Variants in EXT2 observed in about 807,000 individuals in gnomAD.
The protein encoded by EXT2 is exostosin-2.
In EXT2, 53 loss-of-function variants were observed where a neutral mutation model predicts 81.6. That is an observed-to-expected ratio of 0.65 (90% CI 0.52 to 0.82). EXT2 has a LOEUF of 0.82. EXT2 is among the 40% of genes least tolerant of loss of function. EXT2 has a pLI of 0.00. For missense variants in EXT2, 774 were observed against 910.2 expected, an observed-to-expected ratio of 0.85 and a Z score of 1.93; for synonymous variants, 320 against 340.0, an observed-to-expected ratio of 0.94 and a Z score of 0.65.
At chr11:44,109,574 C>T (rs953070075) in intron 3 of EXT2, among the ~76,000 whole-genome samples, 2 of 152,178 alleles carry the variant, frequency 1.3e-5, no homozygotes, top group Non-Finnish European at 2.9e-5. Context: ...TGTGCTAGCT[C>T]TCTCTGAATT....
chr11:44,202,928 A>C lies in EXT2; in HGVS notation c.1496-3865A>C, dbSNP rs975157141. ...TGCTGCCTCATGGAATCCTAAGGCC[A>C]TAGAGGCATCTTGTTTAGTTTTCCA... On this transcript the variant is annotated intron_variant, in intron 9 of 13. Transcript: ENST00000533608. Among the ~76,000 whole-genome samples, 3 of 152,236 alleles carry C rather than the reference A, an allele frequency of 2.0e-5. No individual in the cohort carries two copies. In the East Asian group the frequency reaches 5.8e-4, roughly 29 times the overall value.
intron 7 of EXT2, among the ~76,000 whole-genome samples, chr11:44,153,001 TG>T (rs1954812923): frequency 6.6e-6 from 1 of 152,240 alleles, no homozygotes; most frequent in Non-Finnish European, 1.5e-5. Flanking sequence ...TTGCCTATTC[TG>T]GATCTTTACC....
chr11:44,218,467 G>A (rs1460797149), intron 10 of EXT2, among the ~76,000 whole-genome samples: 2 of 152,166 alleles, frequency 1.3e-5, no homozygotes, highest in Admixed American at 1.3e-4. Flanking sequence ...TAATGTGACA[G>A]GCAGAAAAGA....
chr11:44,240,465 G>C (rs952945689), intron 13 of EXT2, among the ~76,000 whole-genome samples: 1 of 152,116 alleles, frequency 6.6e-6, no homozygotes, highest in African/African-American at 2.4e-5. Flanking sequence ...CTGAGGCAAG[G>C]GGATCACTTG....
intron 7 of EXT2, among the ~76,000 whole-genome samples, chr11:44,159,068 T>C (rs772017247): frequency 6.6e-6 from 1 of 151,730 alleles, no homozygotes. Flanking sequence ...GGTGTGGTTT[T>C]TGGGTTTTTT....
At chr11:44,104,127 C>T (rs1049668619) in intron 1 of EXT2, among the ~76,000 whole-genome samples, 2 of 151,828 alleles carry the variant, frequency 1.3e-5, no homozygotes, top group African/African-American at 4.8e-5. Context: ...CCCTTAACCT[C>T]AATTTTGTCA....
chr11:44,236,307 G>A lies in EXT2; in HGVS notation c.1950G>A (p.Lys650=), dbSNP rs753652443. 6.8e-6 allele frequency: 11 copies of A among 1,613,998 alleles called. No homozygotes were observed. In the South Asian group the frequency reaches 1.2e-4, roughly 18 times the overall value. Residue 650 remains lysine, a synonymous_variant, in exon 13 of 14, where the codon AAG becomes AAA. Transcript: ENST00000533608. ...TCCTCTGGCAGGTAACCCCACGAAA[G>A]AAATTCAAGTGTCCTGAGTGCACAG... ...GKAVIKVTPR[K]KFKCPECTAI...
intron 1 of EXT2, among the ~76,000 whole-genome samples, chr11:44,104,430 A>G (rs922744052): frequency 9.2e-5 from 14 of 152,206 alleles, no homozygotes; most frequent in African/African-American, 3.1e-4. Context: ...AAAGTTTTGA[A>G]AAACACTATT....
chr11:44,156,636 AT>A (rs1954859251), intron 7 of EXT2, among the ~76,000 whole-genome samples: 1 of 152,222 alleles, frequency 6.6e-6, no homozygotes, highest in South Asian at 2.1e-4. Context: ...GTTGTCTTGA[AT>A]TTCCTCAAGC....
chr11:44,182,084 G>A (rs1257097924), intron 8 of EXT2, among the ~76,000 whole-genome samples: 3 of 152,148 alleles, frequency 2.0e-5, no homozygotes, highest in Non-Finnish European at 2.9e-5. Context: ...GGTATTTTGG[G>A]AGCCGAATAG....
chr11:44,135,960 T>C (rs1954560589), intron 7 of EXT2, among the ~76,000 whole-genome samples: 1 of 152,268 alleles, frequency 6.6e-6, no homozygotes, highest in African/African-American at 2.4e-5. Flanking sequence ...GAAATTACTA[T>C]TCATGGTGAT....
chr11:44,225,416 C>A (rs541578262), intron 10 of EXT2, among the ~76,000 whole-genome samples: 2 of 152,246 alleles, frequency 1.3e-5, no homozygotes, highest in South Asian at 4.2e-4. Flanking sequence ...TAGATGGAAA[C>A]CACATTCACA....
At position 44,232,497 on chromosome 11, in the gene EXT2, G is replaced by A. The variant is rs748080194; in HGVS notation, c.1806+1G>A. 1.2e-6 allele frequency: 2 copies of A among 1,613,820 alleles called. No homozygotes were observed. Among genetic ancestry groups the A allele is most frequent in the South Asian group, 2.2e-5 (2 of 91,046 alleles). On this transcript the variant is annotated splice_donor_variant, in intron 11 of 13. Transcript: ENST00000533608. LOFTEE classifies it high-confidence loss of function. ...CACTGGGGCAGCTTTTTATCACAAG[G>A]TAAGGGGGCGCAGTCCTGGCAAGGT...
chr11:44,189,946 G>A (rs1955369370), intron 8 of EXT2, among the ~76,000 whole-genome samples: 1 of 152,132 alleles, frequency 6.6e-6, no homozygotes, highest in African/African-American at 2.4e-5. Context: ...GGGCTGTAGA[G>A]GTTTAATGGT....
At chr11:44,132,917 C>G (rs1472543067) in intron 7 of EXT2, among the ~76,000 whole-genome samples, 10 of 152,194 alleles carry the variant, frequency 6.6e-5, no homozygotes, top group African/African-American at 2.4e-4. Context: ...CCCCACATTT[C>G]TAGAGTGGGC....
chr11:44,148,197 T>C (rs1025798798), intron 7 of EXT2, among the ~76,000 whole-genome samples: 2 of 152,176 alleles, frequency 1.3e-5, no homozygotes, highest in Non-Finnish European at 2.9e-5. Context: ...CAGGAGTGAA[T>C]GTGGGTACTA....
intron 10 of EXT2, among the ~76,000 whole-genome samples, chr11:44,207,724 A>T (rs1015539825): frequency 3.5e-4 from 54 of 152,234 alleles, no homozygotes; most frequent in African/African-American, 1.3e-3. Flanking sequence ...CTAACTTAGG[A>T]TTTGTTGAAT....
intron 8 of EXT2, among the ~76,000 whole-genome samples, chr11:44,172,251 G>A (rs577133225): frequency 1.8e-4 from 27 of 152,306 alleles, no homozygotes; most frequent in African/African-American, 6.5e-4. Flanking sequence ...TCAAGATTGT[G>A]GCAGAGGCTT....
chr11:44,107,609 G>T, intron 1 of EXT2, 74 bp from the exon 2 acceptor site: 1 of 1,399,582 alleles, frequency 7.1e-7, no homozygotes. Flanking sequence ...AAAAAAAAAG[G>T]TTGAATAGTC....
Sources: allele counts gnomAD v4.1 joint callset (sites outside exome capture counted in the v4.1 genomes callset), GRCh38; gene constraint gnomAD v4.1.1; transcripts MANE v1.5; gene names NCBI Gene and HGNC (gene_info 2026-07-23, HGNC 2026-07-21).